PADI3: variants seen among roughly 807,000 people sequenced by gnomAD.
PADI3 encodes protein-arginine deiminase type-3.
Under a neutral mutation model 71.5 loss-of-function variants are expected in PADI3, and 53 were observed. The observed-to-expected ratio is 0.74, with a 90% CI of 0.59 to 0.93. The LOEUF is 0.93. Among genes scored for constraint, PADI3 ranks in the 40% least tolerant of loss-of-function variants. The probability of loss-of-function intolerance (pLI) is 0.00; values close to 1 mark genes in which losing one functional copy is unlikely to be tolerated. For synonymous variants in PADI3, 361 were observed against 347.5 expected (o/e 1.04, Z -0.43); for missense variants, 821 against 868.0 (o/e 0.95, Z 0.68).
At chr1:17,275,008 A>G (rs1210756537) in intron 11 of PADI3, among the ~76,000 whole-genome samples, 7 of 152,190 alleles carry the variant, frequency 4.6e-5, no homozygotes, top group Admixed American at 6.5e-5. Flanking sequence ...CTAAGAGATC[A>G]TTCAGTCCAA....
At chr1:17,253,528 A>G (rs1188891885) in intron 1 of PADI3, among the ~76,000 whole-genome samples, 2 of 152,218 alleles carry the variant, frequency 1.3e-5, no homozygotes, top group African/African-American at 4.8e-5. Flanking sequence ...GCAATGAGCC[A>G]TGAAGCTCCT....
At chr1:17,262,098 T>A in intron 2 of PADI3, 35 bp from the exon 3 acceptor site, 1 of 1,599,682 alleles carries the variant, frequency 6.3e-7, no homozygotes, top group Middle Eastern at 1.7e-4. Flanking sequence ...GCTCTTGGCT[T>A]CTGCTGGTAT....
intron 3 of PADI3, among the ~76,000 whole-genome samples, chr1:17,265,009 C>G: frequency 7.1e-6 from 1 of 140,278 alleles, no homozygotes; most frequent in East Asian, 2.1e-4. Flanking sequence ...TGTCTTGTCT[C>G]AAAAAAAAAA....
At chr1:17,252,872 C>A (rs776523468) in intron 1 of PADI3, among the ~76,000 whole-genome samples, 11 of 152,204 alleles carry the variant, frequency 7.2e-5, no homozygotes, top group Non-Finnish European at 1.5e-4. Context: ...TGGGTTGTGG[C>A]TGCTCATGTG....
chr1:17,267,903 A>C lies in PADI3; in HGVS notation c.593A>C (p.Lys198Thr), dbSNP rs111645773. The C allele has an allele frequency of 3.1e-6, 5 of 1,614,176 alleles. No individual in the cohort carries two copies. Among genetic ancestry groups the C allele is most frequent in the Non-Finnish European group, 3.4e-6 (4 of 1,180,018 alleles). ...CCTGCAGCCCTCTTTGATGACCACA[A>C]ACTTGTCCTCCATACCTCCAGCTAT... ...QGPAALFDDH[K>T]LVLHTSSYDA... The change falls in exon 6 of 16, where the codon AAA (lysine) becomes ACA (threonine). Residue 198 changes from lysine (K) to threonine (T), a missense_variant. Transcript: ENST00000375460.
intron 1 of PADI3, among the ~76,000 whole-genome samples, chr1:17,252,969 C>T (rs904949105): frequency 6.6e-6 from 1 of 152,242 alleles, no homozygotes; most frequent in Non-Finnish European, 1.5e-5. Context: ...AGTGAGACAT[C>T]TCTGGGGTCT....
Position 17,249,229 on chromosome 1 carries a change from G to C in PADI3, c.92G>C (p.Gly31Ala), listed in dbSNP as rs1047093551. ...GTGGAGACCCTCGTGGACATTTATGGGTAAGAGTCAGAGGCCTAGTGGTTT... is the reference window on the plus strand; with the variant it reads ...GTGGAGACCCTCGTGGACATTTATGCGTAAGAGTCAGAGGCCTAGTGGTTT... ...AGVETLVDIYGSVPEGTEMFE... is the reference protein window; with the variant it reads ...AGVETLVDIYASVPEGTEMFE... The change falls in exon 1 of 16, where the codon GGG (glycine) becomes GCG (alanine). Residue 31 changes from glycine (G) to alanine (A), a missense_variant and splice_region_variant. Coordinates refer to ENST00000375460, the MANE Select transcript of PADI3 (RefSeq NM_016233.2). 6.2e-7 allele frequency: 1 copy of C among 1,612,802 alleles called. No individual in the cohort carries two copies. The highest frequency in any genetic ancestry group is 8.5e-7 in the Non-Finnish European group (1 of 1,178,778).
rs148894589 is a variant in PADI3 at position 17,266,720 on chromosome 1, G to T, written c.410G>T (p.Arg137Leu). The change falls in exon 5 of 16, where the codon CGG becomes CTG. Residue 137 changes from arginine (R) to leucine (L), a missense_variant and splice_region_variant. Transcript: ENST00000375460. ...CTGGCTATGTTTTGTCATTGGCAGC[G>T]GCAGTGGGTCTGGGGGCCCAGTGGG... ...GRQDRNFVDK[R>L]QWVWGPSGYG... 3.7e-6 allele frequency: 6 copies of T among 1,613,258 alleles called. No individual in the cohort carries two copies. The highest frequency in any genetic ancestry group is 5.1e-6 in the Non-Finnish European group (6 of 1,179,310).
chr1:17,276,210 G>A (rs917982965), intron 11 of PADI3, among the ~76,000 whole-genome samples: 24 of 152,188 alleles, frequency 1.6e-4, no homozygotes, highest in African/African-American at 5.5e-4. Flanking sequence ...GGTGGTGCAC[G>A]CCTGTAATCC....
chr1:17,251,340 G>A (rs550025526), intron 1 of PADI3, among the ~76,000 whole-genome samples: 22 of 152,232 alleles, frequency 1.4e-4, no homozygotes, highest in African/African-American at 5.3e-4. Flanking sequence ...CTCAGCCTGC[G>A]GGCCAACAAG....
At chr1:17,261,263 C>T (rs770123680) in intron 2 of PADI3, among the ~76,000 whole-genome samples, 16 of 152,324 alleles carry the variant, frequency 1.1e-4, no homozygotes, top group African/African-American at 3.1e-4. Context: ...ATATCATCCA[C>T]GCCATCTTCA....
intron 1 of PADI3, 109 bp downstream of exon 1, chr1:17,249,338 C>A (rs2072938248): frequency 1.1e-6 from 1 of 877,802 alleles, no homozygotes; most frequent in Non-Finnish European, 1.9e-6. Flanking sequence ...CCAGCCTTGG[C>A]CTCGGAACAG....
chr1:17,262,291 AC>A, intron 3 of PADI3, 86 bp downstream of exon 3: 1 of 967,158 alleles, frequency 1.0e-6, no homozygotes, highest in East Asian at 2.9e-5. Context: ...TGAAAATTAA[AC>A]CTCCTTCCCT....
rs1014022390 is a variant in PADI3, at chr1:17,271,247, C to T, written c.1047+69C>T. The T allele has an allele frequency of 2.8e-5, 38 of 1,346,054 alleles. No homozygotes were observed. In the African/African-American group the frequency reaches 4.1e-4, roughly 14 times the overall value. 83.4% of individuals were successfully genotyped at this position (1,346,054 alleles called of 1,614,324 possible). A position where few individuals can be genotyped will look rare whatever the true frequency, so the allele number is the denominator to read the frequency against. On this transcript the variant is annotated intron_variant, in intron 9 of 15. Coordinates refer to ENST00000375460, the MANE Select transcript of PADI3 (RefSeq NM_016233.2). ...GGAGAGAGAGGCCTTCATTTGGGGGCCACCGAGAAACATCCAGGAGGACCT... is the reference window on the plus strand; with the variant it reads ...GGAGAGAGAGGCCTTCATTTGGGGGTCACCGAGAAACATCCAGGAGGACCT...
chr1:17,267,796 A>C (rs201379121), intron 5 of PADI3, 41 bp from the exon 6 acceptor site: 2 of 1,607,446 alleles, frequency 1.2e-6, no homozygotes, highest in South Asian at 2.2e-5. Context: ...GCCAGGGGCC[A>C]GGACTCCCTT....
chr1:17,276,694 C>G (rs1386841314), intron 12 of PADI3, 31 bp downstream of exon 12: 2 of 1,613,860 alleles, frequency 1.2e-6, no homozygotes, highest in African/African-American at 2.7e-5. Context: ...GTGTCTTTCC[C>G]TGGCATCTGG....
chr1:17,267,545 C>T (rs549690448), intron 5 of PADI3, among the ~76,000 whole-genome samples: 1 of 152,234 alleles, frequency 6.6e-6, no homozygotes, highest in Non-Finnish European at 1.5e-5. Context: ...CTTACCTGCA[C>T]GACGCCCACA....
intron 13 of PADI3, among the ~76,000 whole-genome samples, chr1:17,277,572 GCA>G (rs2073351340): frequency 1.3e-5 from 2 of 152,186 alleles, no homozygotes; most frequent in African/African-American, 2.4e-5. Flanking sequence ...CTCTGCTCAG[GCA>G]CAGTCCTGTC....
intron 4 of PADI3, 140 bp from the exon 5 acceptor site, chr1:17,266,579 T>A (rs982423128): frequency 7.1e-6 from 5 of 706,814 alleles, no homozygotes; most frequent in Non-Finnish European, 1.3e-5. Context: ...GCCATTGACA[T>A]GTCTTGAGAA....
Sources: gnomAD v4.1 joint callset for allele counts (sites outside exome capture counted in the v4.1 genomes callset) on GRCh38, gnomAD v4.1.1 for gene constraint, MANE v1.5 for transcripts, NCBI Gene and HGNC (gene_info 2026-07-23, HGNC 2026-07-21) for gene names.